Variants in MIPOL1 observed in about 807,000 individuals in gnomAD.
The protein encoded by MIPOL1 is mirror-image polydactyly gene 1 protein.
MIPOL1 carries 57 observed loss-of-function variants against 60.9 expected under a neutral mutation model. The ratio of observed to expected loss-of-function variants is 0.94; its 90% CI spans 0.76 to 1.17. The LOEUF (loss-of-function observed/expected upper bound fraction) is 1.17, where lower values mean the gene tolerates loss of function less well. Among genes scored for constraint, MIPOL1 ranks in the 50% most tolerant of loss-of-function variants. The pLI is 0.00. For missense variants in MIPOL1, 551 were observed against 511.6 expected, an observed-to-expected ratio of 1.08 and a Z score of -0.74; for synonymous variants, 179 against 168.8, an observed-to-expected ratio of 1.06 and a Z score of -0.47.
intron 12 of MIPOL1, chr14:37,502,984 T>A (rs1236361499): frequency 6.6e-6 from 1 of 152,130 alleles, no homozygotes; most frequent in African/African-American, 2.4e-5. Flanking sequence ...ATGCACAAGC[T>A]TCAATAGGCG....
chr14:37,355,745 T>C (rs1230428100), intron 9 of MIPOL1, among the ~76,000 whole-genome samples: 3 of 149,186 alleles, frequency 2.0e-5, no homozygotes, highest in Non-Finnish European at 4.5e-5. Flanking sequence ...CGAGCCTTGG[T>C]TTTCAGCTCC....
intron 9 of MIPOL1, among the ~76,000 whole-genome samples, chr14:37,340,959 T>C (rs2090526685): frequency 6.6e-6 from 1 of 152,262 alleles, no homozygotes; most frequent in Non-Finnish European, 1.5e-5. Flanking sequence ...TATGTTTAGA[T>C]GCACAAATAC....
intron 11 of MIPOL1, among the ~76,000 whole-genome samples, chr14:37,485,087 T>C (rs2094927299): frequency 6.6e-6 from 1 of 152,172 alleles, no homozygotes. Context: ...GGTGAGAACA[T>C]GCGGTGTTTG....
In MIPOL1 at chr14:37,548,586, C is replaced by T. The variant is rs1159930728; in HGVS notation, c.*1615C>T. 3 of 151,966 alleles carry T rather than the reference C, an allele frequency of 2.0e-5. No homozygotes were observed. The highest frequency in any genetic ancestry group is 2.1e-4 in the South Asian group (1 of 4,824). The allele number at this position is 151,966 out of a possible 1,614,324, so 9.4% of individuals were successfully genotyped here. On this transcript the variant is annotated 3_prime_UTR_variant, in exon 13 of 13. Transcript: ENST00000684589. The stretch of plus-strand genomic sequence containing the variant: ...TCTTGTCTCTGGGCTCTATTTGAAA[C>T]GTGTAACAGCTCCCTATGTGAAGAA...
rs1311148478 is a variant in MIPOL1 at position 37,550,512 on chromosome 14, A to G, written c.*3541A>G. 6.8e-6 allele frequency: 1 copy of G among 147,490 alleles called. No individual in the cohort carries two copies. Among genetic ancestry groups the G allele is most frequent in the Admixed American group, 6.9e-5 (1 of 14,468 alleles). 9.1% of individuals were successfully genotyped at this position (147,490 alleles called of 1,614,324 possible). On this transcript the variant is annotated 3_prime_UTR_variant, in exon 13 of 13. Transcript: ENST00000684589. ...ATATTTTACATATATATATATATATATACATGCACACACACCGATACATTT... is the reference window on the plus strand; with the variant it reads ...ATATTTTACATATATATATATATATGTACATGCACACACACCGATACATTT...
intron 11 of MIPOL1, among the ~76,000 whole-genome samples, chr14:37,472,067 C>A (rs999088437): frequency 6.6e-6 from 1 of 152,148 alleles, no homozygotes; most frequent in Admixed American, 6.5e-5. Flanking sequence ...TTCAGCAATT[C>A]AATTAATCAA....
rs1256400558 is a variant in MIPOL1 at position 37,297,234 on chromosome 14, G to A, written c.624-10822G>A. ...TGATTATCTCAATAGATGCAGAAAAGGCCTTTGACAAAATTCAACAACCTT... is the reference window on the plus strand; with the variant it reads ...TGATTATCTCAATAGATGCAGAAAAAGCCTTTGACAAAATTCAACAACCTT... On this transcript the variant is annotated intron_variant, in intron 7 of 12. Coordinates refer to ENST00000684589, the MANE Select transcript of MIPOL1 (RefSeq NM_001388067.1). Among the ~76,000 whole-genome samples the A allele has an allele frequency of 1.6e-4, 24 of 152,120 alleles. No homozygotes were observed. In the East Asian group the frequency reaches 4.4e-3, roughly 28 times the overall value.
intron 6 of MIPOL1, among the ~76,000 whole-genome samples, chr14:37,281,994 C>T (rs1009045272): frequency 6.6e-6 from 1 of 151,652 alleles, no homozygotes; most frequent in Admixed American, 6.6e-5. Flanking sequence ...AAATTTTAAC[C>T]TTAGAATACA....
chr14:37,514,178 A>G (rs1405463202), intron 12 of MIPOL1, among the ~76,000 whole-genome samples: 1 of 152,186 alleles, frequency 6.6e-6, no homozygotes, highest in Non-Finnish European at 1.5e-5. Flanking sequence ...ATGATCTAAC[A>G]GGTACGCTTT....
chr14:37,483,357 G>A lies in MIPOL1; in HGVS notation c.1032-16551G>A, dbSNP rs114328932. Among the ~76,000 whole-genome samples the A allele has an allele frequency of 6.9e-3, 1,049 of 151,756 alleles. 12 individuals carry two copies. Among genetic ancestry groups the A allele is most frequent in the African/African-American group, 0.024 (1,009 of 41,372 alleles). ...CTCAAACTCCTGGGCTCAAGCGATC[G>A]AACTGCCCTGGCCTCCCAAAGTGCT... On this transcript the variant is annotated intron_variant, in intron 11 of 12. Coordinates refer to ENST00000684589, the MANE Select transcript of MIPOL1 (RefSeq NM_001388067.1).
chr14:37,486,761 T>C (rs2094953234), intron 11 of MIPOL1, among the ~76,000 whole-genome samples: 1 of 152,212 alleles, frequency 6.6e-6, no homozygotes, highest in South Asian at 2.1e-4. Context: ...TATACAATCA[T>C]GTCATCTGCA....
intron 12 of MIPOL1, chr14:37,545,571 G>A (rs1203123932): frequency 3.9e-6 from 2 of 513,158 alleles, no homozygotes; most frequent in African/African-American, 4.0e-5. Flanking sequence ...GACAAGATTT[G>A]CCTTTTTACT....
intron 11 of MIPOL1, among the ~76,000 whole-genome samples, chr14:37,476,185 T>C (rs2094770954): frequency 6.6e-6 from 1 of 152,216 alleles, no homozygotes; most frequent in African/African-American, 2.4e-5. Context: ...TTAAAATTGT[T>C]CATTGTTGCT....
At chr14:37,545,900 C>T (rs1228851588) in intron 12 of MIPOL1, 2 of 343,906 alleles carry the variant, frequency 5.8e-6, no homozygotes, top group Non-Finnish European at 5.3e-6. Flanking sequence ...GACTGTGCCG[C>T]TTACCGTAAA....
intron 1 of MIPOL1, among the ~76,000 whole-genome samples, chr14:37,243,640 T>C (rs1972695068): frequency 6.6e-6 from 1 of 152,162 alleles, no homozygotes; most frequent in Non-Finnish European, 1.5e-5. Context: ...AAATATGGCA[T>C]AAACCAAAGT....
intron 9 of MIPOL1, among the ~76,000 whole-genome samples, chr14:37,359,410 A>G (rs535828011): frequency 9.2e-5 from 14 of 152,288 alleles, no homozygotes; most frequent in South Asian, 4.1e-4. Flanking sequence ...CATTGAATCT[A>G]TAAATTACCT....
chr14:37,314,776 T>C (rs1448215006), intron 9 of MIPOL1, among the ~76,000 whole-genome samples: 2 of 152,210 alleles, frequency 1.3e-5, no homozygotes, highest in Non-Finnish European at 2.9e-5. Context: ...TATTTATTTG[T>C]GTCAATCACA....
intron 9 of MIPOL1, among the ~76,000 whole-genome samples, chr14:37,319,230 T>G (rs953294270): frequency 6.6e-6 from 1 of 152,106 alleles, no homozygotes; most frequent in Non-Finnish European, 1.5e-5. Context: ...GTAACTAAAT[T>G]TTTATGTACA....
At chr14:37,269,029 C>T (rs114041257) in intron 5 of MIPOL1, among the ~76,000 whole-genome samples, 2,381 of 151,978 alleles carry the variant, frequency 0.016, 54 homozygotes, top group African/African-American at 0.054. Context: ...TTTTCATAAG[C>T]CCCTGGTTCC....
Sources: allele counts gnomAD v4.1 joint callset (sites outside exome capture counted in the v4.1 genomes callset), GRCh38; gene constraint gnomAD v4.1.1; transcripts MANE v1.5; gene names NCBI Gene and HGNC (gene_info 2026-07-23, HGNC 2026-07-21).